SLC71A1: variants seen among roughly 807,000 people sequenced by gnomAD.
SLC71A1 encodes hippocampus abundant gene transcript 1.
At chr1:100,049,951 G>A in the SLC71A1 span, 45 of 1,610,268 alleles carry the variant, frequency 2.8e-5, no homozygotes, top group East Asian at 2.0e-4. Context: ...TGCAGTTATC[G>A]TCATCTTTTT....
chr1:100,058,591 C>A, the SLC71A1 span: 1 of 801,706 alleles, frequency 1.2e-6, no homozygotes. Flanking sequence ...AATGGATGTT[C>A]AAAAAGGTAA....
At chr1:100,068,915 G>A in the SLC71A1 span, among the ~76,000 whole-genome samples, 1 of 152,034 alleles carries the variant, frequency 6.6e-6, no homozygotes, top group Non-Finnish European at 1.5e-5. Context: ...CCCAGGAGGC[G>A]GAGGCTGCAG....
the SLC71A1 span, chr1:100,062,199 T>C: frequency 3.1e-6 from 1 of 324,514 alleles, no homozygotes; most frequent in South Asian, 7.5e-5. Flanking sequence ...ATATTTTACC[T>C]TGTAGAGTTC....
the SLC71A1 span, among the ~76,000 whole-genome samples, chr1:100,039,933 T>C: frequency 1.3e-5 from 2 of 152,246 alleles, no homozygotes; most frequent in Non-Finnish European, 2.9e-5. Flanking sequence ...TTGGAAAAGA[T>C]CGTTTTTAAA....
the SLC71A1 span, among the ~76,000 whole-genome samples, chr1:100,064,793 G>A: frequency 1.3e-5 from 2 of 149,426 alleles, no homozygotes; most frequent in Admixed American, 1.3e-4. Context: ...GCATGATCAT[G>A]GCTCACTGAA....
At chr1:100,055,467 G>C in the SLC71A1 span, among the ~76,000 whole-genome samples, 1 of 151,028 alleles carries the variant, frequency 6.6e-6, no homozygotes, top group Non-Finnish European at 1.5e-5. Context: ...CTTAGTTAAT[G>C]CATGCAGTAG....
the SLC71A1 span, chr1:100,038,279 T>C: frequency 1.9e-6 from 3 of 1,561,102 alleles, no homozygotes; most frequent in African/African-American, 4.1e-5. Context: ...CGCAGTATCA[T>C]GCTGGCCAAG....
the SLC71A1 span, chr1:100,038,171 A>G: frequency 7.0e-7 from 1 of 1,418,732 alleles, no homozygotes; most frequent in Admixed American, 2.0e-5. Flanking sequence ...GGACGGCACT[A>G]GCTGCTGGGG....
chr1:100,071,289 CAAAAAAAAAAAAAA>C, the SLC71A1 span, among the ~76,000 whole-genome samples: 1 of 53,342 alleles, frequency 1.9e-5, no homozygotes, highest in African/African-American at 6.3e-5. Flanking sequence ...CCATCTCTAC[CAAAAAAAAAAAAAA>C]AAAAAAAAAA....
At chr1:100,038,327 T>C in the SLC71A1 span, 1 of 1,552,148 alleles carries the variant, frequency 6.4e-7, no homozygotes, top group Non-Finnish European at 8.7e-7. Context: ...GTGAGCTGAG[T>C]TCCGCGCCGG....
At chr1:100,074,265 T>C in the SLC71A1 span, among the ~76,000 whole-genome samples, 1 of 152,078 alleles carries the variant, frequency 6.6e-6, no homozygotes, top group Non-Finnish European at 1.5e-5. Flanking sequence ...TAATGACTCA[T>C]CTCATGGCCT....
chr1:100,068,382 C>T, the SLC71A1 span: 2 of 971,414 alleles, frequency 2.1e-6, no homozygotes, highest in South Asian at 1.5e-5. Context: ...TCCATGAGTA[C>T]ACTGCCAAAA....
At chr1:100,063,162 C>T in the SLC71A1 span, among the ~76,000 whole-genome samples, 2 of 151,948 alleles carry the variant, frequency 1.3e-5, no homozygotes, top group Non-Finnish European at 2.9e-5. Context: ...TTGGTTGGTT[C>T]GTTGGTTTGG....
chr1:100,049,700 A>G, the SLC71A1 span, among the ~76,000 whole-genome samples: 3 of 152,168 alleles, frequency 2.0e-5, no homozygotes, highest in Non-Finnish European at 4.4e-5. Context: ...TTCCAACTGC[A>G]TACTGTGCTT....
At chr1:100,065,416 A>G in the SLC71A1 span, among the ~76,000 whole-genome samples, 1 of 152,106 alleles carries the variant, frequency 6.6e-6, no homozygotes, top group Admixed American at 6.5e-5. Context: ...ATTAATCTCT[A>G]TGCTTTGAAA....
At chr1:100,077,834 T>C in the SLC71A1 span, among the ~76,000 whole-genome samples, 1 of 152,332 alleles carries the variant, frequency 6.6e-6, no homozygotes, top group East Asian at 1.9e-4. Flanking sequence ...ATTATGGCAC[T>C]GAACTCCATG....
chr1:100,052,341 T>C, the SLC71A1 span, among the ~76,000 whole-genome samples: 3 of 152,190 alleles, frequency 2.0e-5, no homozygotes, highest in East Asian at 5.8e-4. Context: ...GGAGGCTATC[T>C]TTTTTAAGAA....
At chr1:100,055,173 T>C in the SLC71A1 span, among the ~76,000 whole-genome samples, 1 of 152,200 alleles carries the variant, frequency 6.6e-6, no homozygotes, top group Non-Finnish European at 1.5e-5. Flanking sequence ...AAACCTGTTC[T>C]TCATACCTAG....
the SLC71A1 span, chr1:100,043,173 C>T: frequency 1.0e-6 from 1 of 981,036 alleles, no homozygotes; most frequent in Non-Finnish European, 1.2e-6. Context: ...AAATGTAACT[C>T]CTTTGCAGCT....
Sources: gnomAD v4.1 joint callset for allele counts (sites outside exome capture counted in the v4.1 genomes callset) on GRCh38, gnomAD v4.1.1 for gene constraint, MANE v1.5 for transcripts, NCBI Gene and HGNC (gene_info 2026-07-23, HGNC 2026-07-21) for gene names.